The following COX17 variants were observed in gnomAD, a reference collection of about 807,000 sequenced individuals.
The protein encoded by COX17 is cytochrome c oxidase copper chaperone.
COX17 carries 1 observed loss-of-function variant against 6.3 expected under a neutral mutation model. That is an observed-to-expected ratio of 0.16 (90% CI 0.06 to 0.75). COX17 has a LOEUF of 0.75. Among genes scored for constraint, COX17 ranks in the 30% least tolerant of loss-of-function variants. COX17 has a pLI of 0.77. For synonymous variants in COX17, 26 were observed against 30.5 expected, an observed-to-expected ratio of 0.85 and a Z score of 0.49; for missense variants, 73 against 81.2, an observed-to-expected ratio of 0.90 and a Z score of 0.39.
chr3:119,667,334 G>C (rs753186448), downstream of COX17, among the ~76,000 whole-genome samples: 3 of 152,110 alleles, frequency 2.0e-5, no homozygotes, highest in Non-Finnish European at 2.9e-5. Context: ...TAAGCACTAG[G>C]AAAGGGTGGG....
chr3:119,676,662 G>A (rs889733516), intron 1 of COX17: 7 of 566,080 alleles, frequency 1.2e-5, no homozygotes, highest in Non-Finnish European at 2.2e-5. Flanking sequence ...CTAAATTTTG[G>A]GAGAAAGCCT....
chr3:119,673,234 T>C (rs1053067580), intron 2 of COX17, among the ~76,000 whole-genome samples: 1 of 152,250 alleles, frequency 6.6e-6, no homozygotes, highest in Non-Finnish European at 1.5e-5. Context: ...TTTAATTTCC[T>C]TATTTATTCA....
At position 119,675,504 on chromosome 3, in the gene COX17, A is replaced by AC. The variant is rs1408335498; in HGVS notation, c.108-272_108-271insG. The AC allele has an allele frequency of 9.5e-5, 36 of 377,234 alleles. No homozygotes were observed. In the East Asian group the frequency reaches 1.4e-3, roughly 14 times the overall value. 23.4% of individuals were successfully genotyped at this position (377,234 alleles called of 1,614,324 possible). ...TATTGCCTCTAGTCAATATCCAAGG[A>AC]GTAACACTGCTCTATAAAGAAATAA... On this transcript the variant is annotated intron_variant, in intron 1 of 2. Transcript: ENST00000261070.
Position 119,670,164 on chromosome 3 carries a change from C to T in COX17, c.*5-499G>A, listed in dbSNP as rs147452173. On this transcript the variant is annotated intron_variant, in intron 2 of 2. Coordinates refer to ENST00000261070, the MANE Select transcript of COX17 (RefSeq NM_005694.2). ...AATCCCAAAGGCAAGACAAGGGCAA[C>T]CCTTTAATATTCATTTGGAAAAATC... Among the ~76,000 whole-genome samples, 375 of 152,232 alleles carry T rather than the reference C, an allele frequency of 2.5e-3. 1 individual carries two copies. The highest frequency in any genetic ancestry group is 8.5e-3 in the African/African-American group (353 of 41,536).
chr3:119,675,139 G>A lies in COX17; in HGVS notation c.*4+6C>T. 6.3e-7 allele frequency: 1 copy of A among 1,597,778 alleles called. No homozygotes were observed. Among genetic ancestry groups the A allele is most frequent in the Non-Finnish European group, 8.6e-7 (1 of 1,165,782 alleles). ...GCAATACACAACTTTGAAGCAAGAA[G>A]CTTACCATTTCATATTTTAAATCCT... is the stretch of plus-strand genomic sequence containing the variant. On this transcript the variant is annotated splice_donor_region_variant and intron_variant, in intron 2 of 2. Coordinates refer to ENST00000261070, the MANE Select transcript of COX17 (RefSeq NM_005694.2).
intron 2 of COX17, among the ~76,000 whole-genome samples, chr3:119,674,002 C>T (rs1436281260): frequency 1.3e-5 from 2 of 151,520 alleles, no homozygotes; most frequent in African/African-American, 4.9e-5. Flanking sequence ...AAGTGAGGTG[C>T]CCCTCTGCCC....
At chr3:119,666,446 T>C (rs529885626), downstream of COX17, among the ~76,000 whole-genome samples, 2 of 152,328 alleles carry the variant, frequency 1.3e-5, no homozygotes, top group East Asian at 3.9e-4. Context: ...TATGTGAGTT[T>C]TCCTTATGAG....
chr3:119,677,293 G>C lies in COX17; in HGVS notation c.18C>G (p.Asp6Glu), dbSNP rs777924465. The stretch of plus-strand genomic sequence containing the variant: ...GAGACTCAGGCGGGGCAGGGTTTGA[G>C]TCAACCAGACCCGGCATCTTTCGCG... MPGLV[D>E]SNPAPPESQE... Residue 6 changes from aspartate (D) to glutamate (E), a missense_variant, in exon 1 of 3, where the codon GAC (aspartate) becomes GAG (glutamate). By Grantham distance (45) the Asp-to-Glu change is conservative. Coordinates refer to ENST00000261070, the MANE Select transcript of COX17 (RefSeq NM_005694.2). 2 of 1,611,846 alleles carry C rather than the reference G, an allele frequency of 1.2e-6. No homozygotes were observed. Among genetic ancestry groups the C allele is most frequent in the African/African-American group, 1.3e-5 (1 of 74,994 alleles).
At chr3:119,675,453 G>C in intron 1 of COX17, 1 of 502,954 alleles carries the variant, frequency 2.0e-6, no homozygotes, top group Non-Finnish European at 3.6e-6. Context: ...GGGGAAATCT[G>C]ATAAGAAATA....
intron 2 of COX17, among the ~76,000 whole-genome samples, chr3:119,669,879 T>G (rs2107832492): frequency 6.6e-6 from 1 of 152,168 alleles, no homozygotes; most frequent in Non-Finnish European, 1.5e-5. Context: ...CATGATATTA[T>G]TTACTCTTTA....
chr3:119,667,688 TACACACACACACACACACACAC>T (rs58875404), downstream of COX17, among the ~76,000 whole-genome samples: 5 of 136,872 alleles, frequency 3.7e-5, no homozygotes, highest in East Asian at 6.4e-4. Flanking sequence ...GTAAAAGGTG[TACACACACACACACACACACAC>T]ACACACACAC....
At chr3:119,666,047 A>G (rs2052989425), downstream of COX17, among the ~76,000 whole-genome samples, 2 of 152,208 alleles carry the variant, frequency 1.3e-5, no homozygotes, top group African/African-American at 2.4e-5. Flanking sequence ...CTGGTTGTCT[A>G]TTCAATATCC....
chr3:119,673,113 T>G (rs2053061659), intron 2 of COX17, among the ~76,000 whole-genome samples: 1 of 152,120 alleles, frequency 6.6e-6, no homozygotes, highest in Admixed American at 6.6e-5. Context: ...AGTGGTAGTG[T>G]GGTGTGGAAG....
intron 1 of COX17, chr3:119,676,940 A>G (rs188884892): frequency 4.4e-6 from 3 of 688,986 alleles, no homozygotes; most frequent in African/African-American, 3.5e-5. Context: ...GCTACGGGAT[A>G]AGTCAACAGA....
intron 2 of COX17, among the ~76,000 whole-genome samples, chr3:119,670,403 C>A (rs1221144542): frequency 6.6e-6 from 1 of 152,182 alleles, no homozygotes; most frequent in African/African-American, 2.4e-5. Context: ...CATCAAGATA[C>A]AAACATCTAA....
At chr3:119,676,979 A>G (rs1364000997) in intron 1 of COX17, 1 of 602,772 alleles carries the variant, frequency 1.7e-6, no homozygotes, top group South Asian at 1.5e-5. Context: ...ACAAGGCCCA[A>G]TAATTATCTC....
intron 1 of COX17, among the ~76,000 whole-genome samples, chr3:119,675,874 C>T (rs1490650085): frequency 2.0e-5 from 3 of 152,160 alleles, no homozygotes; most frequent in Non-Finnish European, 4.4e-5. Flanking sequence ...GGAGAACCCA[C>T]GTGGTCTGAG....
chr3:119,664,619 C>CAA (rs1191186596), downstream of COX17, among the ~76,000 whole-genome samples: 1 of 152,180 alleles, frequency 6.6e-6, no homozygotes, highest in Non-Finnish European at 1.5e-5. Flanking sequence ...CCAGAGTCAA[C>CAA]AAGTGTGGTC....
rs2053025208 is a variant in COX17, at chr3:119,669,676, ATATT to A, written c.*5-15_*5-12del. The A allele has an allele frequency of 6.6e-6, 1 of 152,238 alleles. No homozygotes were observed. The highest frequency in any genetic ancestry group is 2.4e-5 in the African/African-American group (1 of 41,452). 9.4% of individuals were successfully genotyped at this position (152,238 alleles called of 1,614,324 possible). A position where few individuals can be genotyped will look rare whatever the true frequency, so the allele number is the denominator to read the frequency against. On this transcript the variant is annotated splice_polypyrimidine_tract_variant and intron_variant, in intron 2 of 2. Transcript: ENST00000261070. ...CACACAGCAGACCACCTACAGAAAA[ATATT>A]TATTTTAGAAAGTCAGATTTCAAAC...
Sources: allele counts gnomAD v4.1 joint callset (sites outside exome capture counted in the v4.1 genomes callset), GRCh38; gene constraint gnomAD v4.1.1; transcripts MANE v1.5; gene names NCBI Gene and HGNC (gene_info 2026-07-23, HGNC 2026-07-21).